The following CPE variants were observed in gnomAD, a reference collection of about 807,000 sequenced individuals.
CPE encodes carboxypeptidase E.
A neutral mutation model predicts 53.5 loss-of-function variants in CPE; 17 were observed. The ratio of observed to expected loss-of-function variants is 0.32; its 90% CI spans 0.22 to 0.48. The LOEUF (loss-of-function observed/expected upper bound fraction) is 0.48. Among genes scored for constraint, CPE ranks in the 20% least tolerant of loss-of-function variants. The pLI, the probability that CPE is intolerant of heterozygous loss-of-function variation, is 0.99. For missense variants in CPE, 524 were observed against 614.7 expected (o/e 0.85, Z 1.56); for synonymous variants, 226 against 228.8 (o/e 0.99, Z 0.11).
At chr4:165,445,084 G>A (rs1022452489) in intron 1 of CPE, among the ~76,000 whole-genome samples, 1 of 151,886 alleles carries the variant, frequency 6.6e-6, no homozygotes, top group Non-Finnish European at 1.5e-5. Flanking sequence ...AGCCTCCCAG[G>A]TAGCTAGGAT....
Position 165,405,085 on chromosome 4 carries a change from GA to G in CPE, c.307+25559del, listed in dbSNP as rs1204617524. ...AATCAAGCTTCCCAGTCAAGTTGCT[GA>G]AGATGGAATCCCTTTCAAATGACGT... On this transcript the variant is annotated intron_variant, in intron 1 of 8. Coordinates refer to ENST00000402744, the MANE Select transcript of CPE (RefSeq NM_001873.4). 17 of 728,848 alleles carry G rather than the reference GA, an allele frequency of 2.3e-5. No individual in the cohort carries two copies. In the East Asian group the frequency reaches 3.9e-4, roughly 17 times the overall value. 45.1% of individuals were successfully genotyped at this position (728,848 alleles called of 1,614,324 possible).
chr4:165,447,525 C>A (rs548361595), intron 1 of CPE, among the ~76,000 whole-genome samples: 1 of 151,306 alleles, frequency 6.6e-6, no homozygotes, highest in Non-Finnish European at 1.5e-5. Context: ...GAGCTGAGAT[C>A]ACGCCACTGC....
chr4:165,448,001 C>T (rs1036030517), intron 1 of CPE, among the ~76,000 whole-genome samples: 20 of 152,168 alleles, frequency 1.3e-4, no homozygotes, highest in Admixed American at 3.9e-4. Flanking sequence ...TATGACTGTA[C>T]ATTGATTTTA....
chr4:165,416,027 G>A (rs975650039), intron 1 of CPE, among the ~76,000 whole-genome samples: 3 of 152,230 alleles, frequency 2.0e-5, no homozygotes, highest in East Asian at 3.9e-4. Context: ...TAGGCATGGC[G>A]TTAACGTTTT....
chr4:165,429,173 T>C (rs1169170712), intron 1 of CPE, among the ~76,000 whole-genome samples: 1 of 152,182 alleles, frequency 6.6e-6, no homozygotes, highest in African/African-American at 2.4e-5. Flanking sequence ...GGAAAGTTCT[T>C]CAGCAAGTCT....
chr4:165,446,369 G>C (rs116034755), intron 1 of CPE, among the ~76,000 whole-genome samples: 1,656 of 152,208 alleles, frequency 0.011, 26 homozygotes, highest in African/African-American at 0.037. Flanking sequence ...AAAGCATTAA[G>C]AAACATAGAA....
chr4:165,475,874 G>T (rs1422019852), intron 3 of CPE, among the ~76,000 whole-genome samples: 1 of 152,176 alleles, frequency 6.6e-6, no homozygotes, highest in African/African-American at 2.4e-5. Context: ...AGCCATTGTG[G>T]CTGAGAAGAA....
chr4:165,400,877 G>T (rs1440982266), intron 1 of CPE, among the ~76,000 whole-genome samples: 1 of 151,562 alleles, frequency 6.6e-6, no homozygotes, highest in Admixed American at 6.6e-5. Flanking sequence ...TCTTAATAGG[G>T]TGACCTTATG....
At chr4:165,421,306 G>A (rs769155287) in intron 1 of CPE, among the ~76,000 whole-genome samples, 18 of 152,164 alleles carry the variant, frequency 1.2e-4, no homozygotes, top group Non-Finnish European at 5.9e-5. Context: ...TAGGACCTAC[G>A]TGCCTGGCCA....
chr4:165,485,296 T>A (rs1579282743), intron 5 of CPE, among the ~76,000 whole-genome samples: 1 of 152,174 alleles, frequency 6.6e-6, no homozygotes, highest in Non-Finnish European at 1.5e-5. Flanking sequence ...TTATATATAT[T>A]TTTACTTTTC....
At chr4:165,463,635 C>T (rs186050227) in intron 1 of CPE, among the ~76,000 whole-genome samples, 1 of 152,200 alleles carries the variant, frequency 6.6e-6, no homozygotes, top group Non-Finnish European at 1.5e-5. Flanking sequence ...ATCCTGGCTT[C>T]CCAGGCCATG....
At chr4:165,455,571 A>G (rs1731886544) in intron 1 of CPE, among the ~76,000 whole-genome samples, 1 of 152,206 alleles carries the variant, frequency 6.6e-6, no homozygotes, top group Admixed American at 6.5e-5. Context: ...AAACTAAATC[A>G]TTAAAACAAT....
intron 1 of CPE, among the ~76,000 whole-genome samples, chr4:165,410,116 G>A (rs899684866): frequency 6.6e-6 from 1 of 151,872 alleles, no homozygotes; most frequent in African/African-American, 2.4e-5. Flanking sequence ...GGGTGTGGTG[G>A]TGGGCGCCTG....
At chr4:165,486,999 T>C (rs533331036) in intron 5 of CPE, among the ~76,000 whole-genome samples, 11 of 152,316 alleles carry the variant, frequency 7.2e-5, no homozygotes, top group African/African-American at 2.6e-4. Context: ...GAATACACTA[T>C]GATATTGATT....
chr4:165,399,177 A>C (rs1730828328), intron 1 of CPE, among the ~76,000 whole-genome samples: 1 of 152,190 alleles, frequency 6.6e-6, no homozygotes, highest in African/African-American at 2.4e-5. Flanking sequence ...TGTAGTTTTA[A>C]AATAATGTTT....
At chr4:165,413,216 T>C (rs1731067646) in intron 1 of CPE, among the ~76,000 whole-genome samples, 1 of 152,212 alleles carries the variant, frequency 6.6e-6, no homozygotes. Context: ...TCTTTTCATC[T>C]CTACCTTGAT....
intron 1 of CPE, chr4:165,405,641 C>T: frequency 1.3e-6 from 1 of 780,222 alleles, no homozygotes; most frequent in South Asian, 1.3e-5. Context: ...GTAATTGCAA[C>T]TTCTTCTAGG....
intron 1 of CPE, among the ~76,000 whole-genome samples, chr4:165,389,710 G>A (rs1730649554): frequency 6.6e-6 from 1 of 152,042 alleles, no homozygotes; most frequent in Non-Finnish European, 1.5e-5. Context: ...AAAATTATTT[G>A]GCAAATAAAT....
chr4:165,460,258 CAGAG>C (rs752134183), intron 1 of CPE, among the ~76,000 whole-genome samples: 19 of 151,158 alleles, frequency 1.3e-4, no homozygotes, highest in Non-Finnish European at 2.5e-4. Context: ...CGTATTGACT[CAGAG>C]AGGGCCATTC....
Sources: gnomAD v4.1 joint callset for allele counts (sites outside exome capture counted in the v4.1 genomes callset) on GRCh38, gnomAD v4.1.1 for gene constraint, MANE v1.5 for transcripts, NCBI Gene and HGNC (gene_info 2026-07-23, HGNC 2026-07-21) for gene names.